Variants in HMGB1 observed in about 807,000 individuals in gnomAD.
HMGB1 encodes high mobility group box 1, also known as high mobility group protein B1.
For missense variants in HMGB1, 79 were observed against 253.5 expected (o/e 0.31, Z 4.67); for synonymous variants, 81 against 84.0 (o/e 0.96, Z 0.19).
intron 1 of HMGB1, among the ~76,000 whole-genome samples, chr13:30,498,481 A>G (rs1466792896): frequency 6.6e-6 from 1 of 151,870 alleles, no homozygotes; most frequent in Non-Finnish European, 1.5e-5. Flanking sequence ...ATCAGGAGAG[A>G]TGGCTAGGCT....
At chr13:30,564,657 T>A (rs905480068) in intron 1 of HMGB1, among the ~76,000 whole-genome samples, 15 of 152,236 alleles carry the variant, frequency 9.9e-5, no homozygotes, top group African/African-American at 3.6e-4. Context: ...ATTCCAGAAG[T>A]CATATTTAAA....
intron 1 of HMGB1, among the ~76,000 whole-genome samples, chr13:30,533,707 C>T (rs1888548031): frequency 6.6e-6 from 1 of 151,964 alleles, no homozygotes; most frequent in Non-Finnish European, 1.5e-5. Flanking sequence ...CAATATTTGC[C>T]TTGTGACACA....
chr13:30,489,768 T>G (rs969187101), intron 1 of HMGB1, among the ~76,000 whole-genome samples: 13 of 146,936 alleles, frequency 8.8e-5, no homozygotes, highest in Non-Finnish European at 1.5e-4. Flanking sequence ...GGAGTCTCGC[T>G]CTGTCGCCCA....
Position 30,458,886 on chromosome 13 carries a change from A to C in HMGB1, c.*2471T>G, listed in dbSNP as rs554821004. 2.6e-5 allele frequency: 4 copies of C among 152,356 alleles called. No individual in the cohort carries two copies. In the South Asian group the frequency reaches 8.3e-4, roughly 32 times the overall value. The allele number at this position is 152,356 out of a possible 1,614,324, so 9.4% of individuals were successfully genotyped here. On this transcript the variant is annotated 3_prime_UTR_variant, in exon 5 of 5. Coordinates refer to ENST00000341423, the MANE Select transcript of HMGB1 (RefSeq NM_002128.7). ...GACGATCATCAGAACTGTGGTAACTAATCAGCAATAGCTCTCAACCTTTGC... is the reference window on the plus strand; with the variant it reads ...GACGATCATCAGAACTGTGGTAACTCATCAGCAATAGCTCTCAACCTTTGC...
intron 1 of HMGB1, among the ~76,000 whole-genome samples, chr13:30,498,822 A>G (rs1887671569): frequency 6.6e-6 from 1 of 151,610 alleles, no homozygotes; most frequent in African/African-American, 2.4e-5. Flanking sequence ...TAATTTCTGT[A>G]TTTTTAGTAG....
intron 1 of HMGB1, among the ~76,000 whole-genome samples, chr13:30,562,105 T>G (rs1438383066): frequency 6.6e-6 from 1 of 152,162 alleles, no homozygotes; most frequent in Admixed American, 6.5e-5. Flanking sequence ...GCGGATCACC[T>G]GAGGTCAGGA....
chr13:30,463,135 G>A (rs1041418937), intron 3 of HMGB1, 72 bp downstream of exon 3: 18 of 1,422,870 alleles, frequency 1.3e-5, no homozygotes, highest in East Asian at 6.8e-5. Context: ...AACTGACAAA[G>A]TAGCTTGCTA....
At chr13:30,465,200 G>T in intron 1 of HMGB1, 1 of 829,818 alleles carries the variant, frequency 1.2e-6, no homozygotes, top group Non-Finnish European at 1.4e-6. Context: ...CCCGGCCGCC[G>T]CCGCCGCCGC....
chr13:30,539,476 T>C (rs569315937), intron 1 of HMGB1: 1 of 219,436 alleles, frequency 4.6e-6, no homozygotes, highest in Admixed American at 4.1e-5. Flanking sequence ...TATCTGAGCA[T>C]ATTCAGCTAC....
At chr13:30,562,303 A>G (rs978393170) in intron 1 of HMGB1, among the ~76,000 whole-genome samples, 1 of 152,010 alleles carries the variant, frequency 6.6e-6, no homozygotes, top group African/African-American at 2.4e-5. Flanking sequence ...TCTCAAAAAA[A>G]AAAAAAAAAG....
intron 1 of HMGB1, among the ~76,000 whole-genome samples, chr13:30,597,366 G>C (rs1871661389): frequency 2.0e-5 from 3 of 152,210 alleles, no homozygotes; most frequent in Admixed American, 6.5e-5. Flanking sequence ...GAAGAGTCAT[G>C]GGACAGGTTC....
intron 1 of HMGB1, among the ~76,000 whole-genome samples, chr13:30,546,804 A>G (rs1337856939): frequency 2.0e-5 from 3 of 152,214 alleles, no homozygotes; most frequent in Admixed American, 2.0e-4. Context: ...TATTCTTTAT[A>G]CAATATTTCA....
intron 1 of HMGB1, among the ~76,000 whole-genome samples, chr13:30,583,838 A>AG (rs1326290469): frequency 6.1e-5 from 9 of 146,620 alleles, no homozygotes; most frequent in South Asian, 2.2e-4. Context: ...AAAAAAAAAA[A>AG]AAAAGAAAGA....
Position 30,459,766 on chromosome 13 carries a change from ACTG to A in HMGB1, c.*1588_*1590del, listed in dbSNP as rs753690033. 2 of 152,336 alleles carry A rather than the reference ACTG, an allele frequency of 1.3e-5. No homozygotes were observed. The highest frequency in any genetic ancestry group is 1.9e-4 in the East Asian group (1 of 5,194). 9.4% of individuals were successfully genotyped at this position (152,336 alleles called of 1,614,324 possible). A position where few individuals can be genotyped will look rare whatever the true frequency, so the allele number is the denominator to read the frequency against. ...CATCCCTTATACTTATTTAAAAGGT[ACTG>A]CTAAGAGGTATTATTAGAAACAAGA... is the stretch of plus-strand genomic sequence containing the variant. On this transcript the variant is annotated 3_prime_UTR_variant, in exon 5 of 5. Coordinates refer to ENST00000341423, the MANE Select transcript of HMGB1 (RefSeq NM_002128.7).
intron 1 of HMGB1, among the ~76,000 whole-genome samples, chr13:30,472,918 C>T (rs1886980306): frequency 6.7e-6 from 1 of 149,656 alleles, no homozygotes; most frequent in Non-Finnish European, 1.5e-5. Flanking sequence ...GAAGAGAGCA[C>T]AGGTTTGTGA....
chr13:30,561,202 T>G (rs1478955154), intron 1 of HMGB1, among the ~76,000 whole-genome samples: 1 of 152,124 alleles, frequency 6.6e-6, no homozygotes, highest in Non-Finnish European at 1.5e-5. Flanking sequence ...GGGCAGCCAA[T>G]AGACGGCAGT....
At chr13:30,475,521 T>C (rs1159700253) in intron 1 of HMGB1, among the ~76,000 whole-genome samples, 1 of 142,560 alleles carries the variant, frequency 7.0e-6, no homozygotes, top group East Asian at 2.0e-4. Flanking sequence ...TTTGAGACCA[T>C]CTCTAAAAAA....
At chr13:30,561,701 C>G (rs1026417325) in intron 1 of HMGB1, among the ~76,000 whole-genome samples, 1 of 152,076 alleles carries the variant, frequency 6.6e-6, no homozygotes, top group Admixed American at 6.6e-5. Context: ...AAAGGGGAGT[C>G]GCCAGAAAGG....
chr13:30,614,100 T>C (rs536505698), intron 1 of HMGB1, among the ~76,000 whole-genome samples: 34 of 152,238 alleles, frequency 2.2e-4, no homozygotes, highest in African/African-American at 6.3e-4. Flanking sequence ...AAATAAAATA[T>C]ATATAGTAAT....
Sources: gnomAD v4.1 joint callset for allele counts (sites outside exome capture counted in the v4.1 genomes callset) on GRCh38, gnomAD v4.1.1 for gene constraint, MANE v1.5 for transcripts, NCBI Gene and HGNC (gene_info 2026-07-23, HGNC 2026-07-21) for gene names.